ARHGAP35: variants seen among roughly 807,000 people sequenced by gnomAD.
The protein encoded by ARHGAP35 is Rho GTPase activating protein 35, also known as rho GTPase-activating protein 35.
ARHGAP35 carries 15 observed loss-of-function variants against 111.1 expected under a neutral mutation model. The observed-to-expected ratio is 0.13, with a 90% CI of 0.09 to 0.21. The LOEUF is 0.21. Among genes scored for constraint, ARHGAP35 ranks in the 10% least tolerant of loss-of-function variants. The pLI, the probability that ARHGAP35 is intolerant of heterozygous loss-of-function variation, is 1.00. For missense variants in ARHGAP35, 1,262 were observed against 1,873.0 expected (o/e 0.67, Z 6.02); for synonymous variants, 643 against 710.3 (o/e 0.91, Z 1.51).
intron 3 of ARHGAP35, among the ~76,000 whole-genome samples, chr19:46,959,073 A>T (rs1055725653): frequency 5.0e-4 from 76 of 150,580 alleles, no homozygotes; most frequent in African/African-American, 1.8e-3. Context: ...CTCCTTTTTT[A>T]AAAAAAAATT....
chr19:46,921,507 AAAG>A lies in ARHGAP35; in HGVS notation c.2835_2837del (p.Lys945del). 6.2e-7 allele frequency: 1 copy of A among 1,614,002 alleles called. No homozygotes were observed. Among genetic ancestry groups the A allele is most frequent in the South Asian group, 1.1e-5 (1 of 91,084 alleles). Reference sequence around the variant, plus strand: ...CATTTTTTAAAGATGTGGTGGAAAAAAAGAACATAATCGAGGCTACTCATATGT... The same window carrying A: ...CATTTTTTAAAGATGTGGTGGAAAAAAACATAATCGAGGCTACTCATATGT... On this transcript the variant is annotated inframe_deletion, in exon 2 of 7. Transcript: ENST00000672722. This position sits in a 1 kb window ranked among gnomAD's most constrained non-coding sequence, Gnocchi z 4.3.
In ARHGAP35 at chr19:46,989,112, G is replaced by A. The variant is rs751721637; in HGVS notation, c.3905-432G>A. ...AGCCTATTTGCCCTCCCACCATAGG[G>A]GACAAGGATGGAGGCAGCAGTCACA... On this transcript the variant is annotated intron_variant, in intron 4 of 6. Transcript: ENST00000672722. This position sits in a 1 kb window ranked among gnomAD's most constrained non-coding sequence, Gnocchi z 5.3. 5.8e-6 allele frequency: 1 copy of A among 173,888 alleles called. No homozygotes were observed. The highest frequency in any genetic ancestry group is 2.3e-5 in the African/African-American group (1 of 42,620). 10.8% of individuals were successfully genotyped at this position (173,888 alleles called of 1,614,324 possible).
At chr19:46,863,209 C>A (rs1344020095) in intron 1 of ARHGAP35, among the ~76,000 whole-genome samples, 1 of 152,210 alleles carries the variant, frequency 6.6e-6, no homozygotes, top group Non-Finnish European at 1.5e-5. Context: ...CATCCCTCTG[C>A]TGCAGAGGCA....
chr19:46,912,986 T>C (rs1250534580), intron 1 of ARHGAP35, among the ~76,000 whole-genome samples: 1 of 152,026 alleles, frequency 6.6e-6, no homozygotes, highest in South Asian at 2.1e-4. Flanking sequence ...ATTTCCCCTA[T>C]TGAGATTAAG....
In ARHGAP35 at chr19:47,004,431, CA is replaced by C. The variant is rs1394644651; in HGVS notation, c.*3744del. On this transcript the variant is annotated 3_prime_UTR_variant, in exon 7 of 7. Transcript: ENST00000672722. ...CCCAGCCCTCCCGTGGCGGAGCCGG[CA>C]GCGATGCTACAGGCCTAAGTTATTG... 1 of 152,374 alleles carries C rather than the reference CA, an allele frequency of 6.6e-6. No homozygotes were observed. The highest frequency in any genetic ancestry group is 1.5e-5 in the Non-Finnish European group (1 of 68,046). 9.4% of individuals were successfully genotyped at this position (152,374 alleles called of 1,614,324 possible).
chr19:46,940,784 C>A (rs2056342270), intron 3 of ARHGAP35, among the ~76,000 whole-genome samples: 1 of 152,048 alleles, frequency 6.6e-6, no homozygotes, highest in African/African-American at 2.4e-5. Flanking sequence ...TTGGATATTT[C>A]ATCGTGATCA....
At position 46,961,786 on chromosome 19, in the gene ARHGAP35, C is replaced by T. The variant is rs190239208; in HGVS notation, c.3826+24378C>T. 4.3e-4 allele frequency among the ~76,000 whole-genome samples: 66 copies of T among 152,030 alleles called. 1 individual carries two copies. The South Asian group carries it at 6.8e-3, about 16-fold the overall frequency. On this transcript the variant is annotated intron_variant, in intron 3 of 6. Coordinates refer to ENST00000672722, the MANE Select transcript of ARHGAP35 (RefSeq NM_004491.5). ...CTCTACTAAAAATACAAAAATTAGC[C>T]GGGCGTGGTGGCGCACACCTGTAGT...
chr19:46,886,088 G>A (rs1449089820), intron 1 of ARHGAP35, among the ~76,000 whole-genome samples: 1 of 152,214 alleles, frequency 6.6e-6, no homozygotes, highest in Non-Finnish European at 1.5e-5. Flanking sequence ...GGTACTGCAT[G>A]ATGCTGCAGG....
chr19:46,991,846 A>G (rs945687239), intron 5 of ARHGAP35, among the ~76,000 whole-genome samples: 6 of 152,224 alleles, frequency 3.9e-5, no homozygotes, highest in South Asian at 2.1e-4. Flanking sequence ...TGGGGTTTCC[A>G]TGGCTACATC....
At chr19:46,952,947 T>TG (rs1377863742) in intron 3 of ARHGAP35, among the ~76,000 whole-genome samples, 1 of 152,212 alleles carries the variant, frequency 6.6e-6, no homozygotes, top group African/African-American at 2.4e-5. Flanking sequence ...CCCAGAGTGC[T>TG]GGGATTACAG....
rs1363355891 is a variant in ARHGAP35, at chr19:47,001,507, T to A, written c.*819T>A. 10 of 908,840 alleles carry A rather than the reference T, an allele frequency of 1.1e-5. No individual in the cohort carries two copies. Among genetic ancestry groups the A allele is most frequent in the Non-Finnish European group, 1.5e-5 (10 of 665,492 alleles). The allele number at this position is 908,840 out of a possible 1,614,324, so 56.3% of individuals were successfully genotyped here. A position where few individuals can be genotyped will look rare whatever the true frequency, so the allele number is the denominator to read the frequency against. On this transcript the variant is annotated 3_prime_UTR_variant, in exon 7 of 7. Coordinates refer to ENST00000672722, the MANE Select transcript of ARHGAP35 (RefSeq NM_004491.5). The surrounding 1 kb of genome is among the most constrained non-coding windows in gnomAD (Gnocchi z 5.4). ...GGAGGCACACAGGTGGAGCTGACCC[T>A]CGTCTTTGTGGCAGCAAAACCAGGA... is the stretch of plus-strand genomic sequence containing the variant.
chr19:46,943,881 G>A (rs2056363504), intron 3 of ARHGAP35, among the ~76,000 whole-genome samples: 1 of 152,222 alleles, frequency 6.6e-6, no homozygotes, highest in Non-Finnish European at 1.5e-5. Context: ...CCAGGGCACG[G>A]CCAGCGGGAG....
intron 2 of ARHGAP35, among the ~76,000 whole-genome samples, chr19:46,936,989 AC>A (rs2056312826): frequency 6.6e-6 from 1 of 151,498 alleles, no homozygotes; most frequent in South Asian, 2.1e-4. Flanking sequence ...ACAGGCGCCC[AC>A]CACTACGCCT....
rs71179281 is a variant in ARHGAP35, at chr19:46,983,054, CAAAAAAAAAAAA to C, written c.3827-4916_3827-4905del. On this transcript the variant is annotated intron_variant, in intron 3 of 6. Transcript: ENST00000672722. ...GAGTGACAAAGCAAGACCTTGTGTACAAAAAAAAAAAAAAAAAAAAAAAAAAAAAATTCTTGG... is the reference window on the plus strand; with the variant it reads ...GAGTGACAAAGCAAGACCTTGTGTACAAAAAAAAAAAAAAAAAATTCTTGG... Among the ~76,000 whole-genome samples, 94 of 47,654 alleles carry C rather than the reference CAAAAAAAAAAAA, an allele frequency of 2.0e-3. 1 individual carries two copies. Among genetic ancestry groups the C allele is most frequent in the African/African-American group, 5.5e-3 (58 of 10,498 alleles). The allele number at this position is 47,654 out of a possible 152,430, so 31.3% of individuals were successfully genotyped here. A position where few individuals can be genotyped will look rare whatever the true frequency, so the allele number is the denominator to read the frequency against.
chr19:46,978,607 TGTGGTG>T (rs1328964613), intron 3 of ARHGAP35, among the ~76,000 whole-genome samples: 4 of 88,998 alleles, frequency 4.5e-5, no homozygotes, highest in Admixed American at 2.6e-4. Flanking sequence ...GGGGGTGTGG[TGTGGTG>T]TGTGTGGTAG....
At chr19:46,877,184 G>A (rs1236780489) in intron 1 of ARHGAP35, among the ~76,000 whole-genome samples, 6 of 150,800 alleles carry the variant, frequency 4.0e-5, no homozygotes, top group African/African-American at 1.2e-4. Flanking sequence ...ACCAAGAGGC[G>A]GATGTTGCAG....
rs184379632 is a variant in ARHGAP35, at chr19:46,898,583, G to A, written c.-188-19905G>A. Among the ~76,000 whole-genome samples the A allele has an allele frequency of 9.9e-5, 15 of 152,046 alleles. 1 individual carries two copies. The highest frequency in any genetic ancestry group is 3.6e-4 in the African/African-American group (15 of 41,464). The stretch of plus-strand genomic sequence containing the variant: ...TTTTATTTCCTCATTCTCTGTTATT[G>A]TATCAGTTATTGTCCAATCAGGAAA... On this transcript the variant is annotated intron_variant, in intron 1 of 6. Transcript: ENST00000672722.
chr19:46,881,418 A>G (rs938477780), intron 1 of ARHGAP35, among the ~76,000 whole-genome samples: 1 of 152,252 alleles, frequency 6.6e-6, no homozygotes, highest in Non-Finnish European at 1.5e-5. Flanking sequence ...GGACTGCAGA[A>G]TGGATGTTGT....
rs112338771 is a variant in ARHGAP35 at position 46,926,109 on chromosome 19, T to C, written c.3681+3753T>C. On this transcript the variant is annotated intron_variant, in intron 2 of 6. Transcript: ENST00000672722. The surrounding 1 kb of genome is among the most constrained non-coding windows in gnomAD (Gnocchi z 4.1). ...GCAACCACCCTAACAAAAAAATAGC[T>C]ATGCTCTGGGTACCAATGTGATACA... is the stretch of plus-strand genomic sequence containing the variant. Among the ~76,000 whole-genome samples, 934 of 152,282 alleles carry C rather than the reference T, an allele frequency of 6.1e-3. 6 individuals are homozygous for C. Among genetic ancestry groups the C allele is most frequent in the South Asian group, 0.02 (97 of 4,818 alleles).
Sources: gnomAD v4.1 joint callset for allele counts (sites outside exome capture counted in the v4.1 genomes callset) on GRCh38, gnomAD v4.1.1 for gene constraint, Gnocchi (gnomAD v3.1) non-coding constraint, MANE v1.5 for transcripts, NCBI Gene and HGNC (gene_info 2026-07-23, HGNC 2026-07-21) for gene names.